MAP7D2: variants seen among roughly 807,000 people sequenced by gnomAD.
MAP7D2 encodes the protein MAP7 domain containing 2.
MAP7D2 carries 33 observed loss-of-function variants against 63.5 expected under a neutral mutation model. The observed-to-expected ratio is 0.52, with a 90% CI of 0.39 to 0.70. MAP7D2 has a LOEUF of 0.70. Among genes scored for constraint, MAP7D2 ranks in the 30% least tolerant of loss-of-function variants. The pLI, the probability that MAP7D2 is intolerant of heterozygous loss-of-function variation, is 0.00. For synonymous variants in MAP7D2, 224 were observed against 223.7 expected (o/e 1.00, Z -0.01); for missense variants, 626 against 604.0 (o/e 1.04, Z -0.38).
At chrX:20,079,109 G>A (rs1246991042) in intron 1 of MAP7D2, among the ~76,000 whole-genome samples, 2 of 111,163 alleles carry the variant, frequency 1.8e-5, no homozygotes, top group African/African-American at 6.5e-5. Flanking sequence ...TGTTGTTAGT[G>A]CCCAAAGCTA....
At chrX:20,016,618 A>G (rs962492869) in intron 10 of MAP7D2, among the ~76,000 whole-genome samples, 2 of 112,592 alleles carry the variant, frequency 1.8e-5, no homozygotes, top group African/African-American at 6.5e-5. Flanking sequence ...TCAATGAACA[A>G]ATGACCACGG....
intron 8 of MAP7D2, among the ~76,000 whole-genome samples, chrX:20,034,649 G>A (rs1157105069): frequency 1.8e-5 from 2 of 111,302 alleles, no homozygotes; most frequent in African/African-American, 6.5e-5. Context: ...ATCATGTGAG[G>A]ACACACTGAG....
intron 8 of MAP7D2, among the ~76,000 whole-genome samples, chrX:20,029,745 C>T (rs1389270269): frequency 9.0e-6 from 1 of 110,651 alleles, no homozygotes; most frequent in Non-Finnish European, 1.9e-5. Flanking sequence ...TGTATGCACA[C>T]ACAAACATGA....
chrX:20,094,528 A>ATG (rs2066179948), intron 1 of MAP7D2, among the ~76,000 whole-genome samples: 2 of 15,897 alleles, frequency 1.3e-4, no homozygotes, highest in Admixed American at 1.3e-3. Context: ...ATATATATAT[A>ATG]TATATATATA....
rs373435839 is a variant in MAP7D2, at chrX:20,044,331, G to A, written c.879+33C>T. The stretch of plus-strand genomic sequence containing the variant: ...ACACCATCAGACAGAACACAGTCTA[G>A]AGGAGTGAGTGGGTGGGTGGTTTTA... On this transcript the variant is annotated intron_variant, in intron 7 of 16. Transcript: ENST00000379643. The A allele has an allele frequency of 7.5e-6, 9 of 1,192,080 alleles. No homozygotes were observed. The African/African-American group carries it at 1.6e-4, about 21-fold the overall frequency.
rs1270646961 is a variant in MAP7D2 at position 20,116,122 on chromosome X, C to A, written c.130+628G>T. ...AGGGCTGAGAGCCTTGTTTGCCCCG[C>A]TGCCTCGATTGAGGGCCGCGGCCCG... On this transcript the variant is annotated intron_variant, in intron 1 of 16. Coordinates refer to ENST00000379643, the MANE Select transcript of MAP7D2 (RefSeq NM_001168465.2). Among the ~76,000 whole-genome samples, 3 of 113,153 alleles carry A rather than the reference C, an allele frequency of 2.7e-5. No homozygotes were observed. The East Asian group carries it at 8.4e-4, about 32-fold the overall frequency.
intron 6 of MAP7D2, among the ~76,000 whole-genome samples, chrX:20,049,453 G>A (rs2064888669): frequency 9.2e-6 from 1 of 109,078 alleles, no homozygotes; most frequent in Non-Finnish European, 1.9e-5. Context: ...TGTATTTTTA[G>A]TAGAGATGGG....
At chrX:20,099,914 G>A (rs916218759) in intron 1 of MAP7D2, among the ~76,000 whole-genome samples, 1 of 111,786 alleles carries the variant, frequency 8.9e-6, no homozygotes, top group Non-Finnish European at 1.9e-5. Flanking sequence ...AACTATCTTG[G>A]GAAAGACAAC....
At chrX:20,106,207 TAATTCCCAC>T (rs1356582665) in intron 1 of MAP7D2, among the ~76,000 whole-genome samples, 1 of 112,125 alleles carries the variant, frequency 8.9e-6, no homozygotes, top group African/African-American at 3.2e-5. Context: ...GACAGCTTAA[TAATTCCCAC>T]AAAGCCAAGT....
intron 1 of MAP7D2, among the ~76,000 whole-genome samples, chrX:20,094,097 G>A (rs1603402021): frequency 9.0e-6 from 1 of 110,987 alleles, no homozygotes; most frequent in East Asian, 2.8e-4. Flanking sequence ...AGAGCAATAT[G>A]AATCTGAAAA....
chrX:20,053,032 T>C, intron 4 of MAP7D2, 44 bp from the exon 5 acceptor site: 1 of 978,194 alleles, frequency 1.0e-6, no homozygotes, highest in South Asian at 1.9e-5. Flanking sequence ...ATCACACTAC[T>C]GTAGAACCAA....
chrX:20,079,094 C>T (rs1376088029), intron 1 of MAP7D2, among the ~76,000 whole-genome samples: 1 of 111,222 alleles, frequency 9.0e-6, no homozygotes, highest in Non-Finnish European at 1.9e-5. Context: ...TGACCACCTG[C>T]CATATGTTGT....
chrX:20,098,266 C>G (rs2066326048), intron 1 of MAP7D2, among the ~76,000 whole-genome samples: 2 of 112,232 alleles, frequency 1.8e-5, no homozygotes, highest in African/African-American at 3.2e-5. Flanking sequence ...GGCCAAGAAA[C>G]TAACCTGTGG....
intron 5 of MAP7D2, among the ~76,000 whole-genome samples, chrX:20,051,767 G>A (rs1304201365): frequency 1.8e-5 from 2 of 111,820 alleles, no homozygotes; most frequent in Non-Finnish European, 3.8e-5. Flanking sequence ...TAAGTGAGAG[G>A]CACAAAAATA....
intron 10 of MAP7D2, among the ~76,000 whole-genome samples, chrX:20,020,657 C>T (rs2073603809): frequency 9.0e-6 from 1 of 111,214 alleles, no homozygotes; most frequent in Non-Finnish European, 1.9e-5. Flanking sequence ...TGCCCCACAT[C>T]GCATGTGCCC....
chrX:20,115,860 A>T (rs1400221225), intron 1 of MAP7D2, among the ~76,000 whole-genome samples: 1 of 112,546 alleles, frequency 8.9e-6, no homozygotes, highest in Non-Finnish European at 1.9e-5. Flanking sequence ...AAAATGTTTT[A>T]AAAATAGCCT....
At chrX:20,097,765 C>A (rs769752005) in intron 1 of MAP7D2, among the ~76,000 whole-genome samples, 4 of 111,455 alleles carry the variant, frequency 3.6e-5, no homozygotes, top group Non-Finnish European at 7.5e-5. Flanking sequence ...TGCTGTCCTG[C>A]TAACCATGGG....
chrX:20,027,188 T>C (rs2073875758), intron 8 of MAP7D2, among the ~76,000 whole-genome samples: 1 of 111,814 alleles, frequency 8.9e-6, no homozygotes, highest in African/African-American at 3.3e-5. Flanking sequence ...CTGGAGCAAC[T>C]CAGAACTCCC....
intron 5 of MAP7D2, among the ~76,000 whole-genome samples, chrX:20,051,347 T>G (rs1371310175): frequency 9.0e-6 from 1 of 111,132 alleles, no homozygotes; most frequent in Non-Finnish European, 1.9e-5. Context: ...CTCAAGAATT[T>G]GAGACCACCC....
Sources: gnomAD v4.1 joint callset for allele counts (sites outside exome capture counted in the v4.1 genomes callset) on GRCh38, gnomAD v4.1.1 for gene constraint, MANE v1.5 for transcripts, NCBI Gene and HGNC (gene_info 2026-07-23, HGNC 2026-07-21) for gene names.